ADAMTSL3: variants seen among roughly 807,000 people sequenced by gnomAD.
ADAMTSL3 encodes ADAMTS-like protein 3.
A neutral mutation model predicts 201.7 loss-of-function variants in ADAMTSL3; 128 were observed. The observed-to-expected ratio is 0.63, with a 90% CI of 0.55 to 0.73. The LOEUF (loss-of-function observed/expected upper bound fraction) is 0.73, where lower values mean the gene tolerates loss of function less well. Among genes scored for constraint, ADAMTSL3 ranks in the 30% least tolerant of loss-of-function variants. The probability of loss-of-function intolerance (pLI) is 0.00; values close to 1 mark genes in which losing one functional copy is unlikely to be tolerated. For missense variants in ADAMTSL3, 1,990 were observed against 2,119.6 expected, an observed-to-expected ratio of 0.94 and a Z score of 1.20; for synonymous variants, 738 against 748.4, an observed-to-expected ratio of 0.99 and a Z score of 0.23.
intron 3 of ADAMTSL3, among the ~76,000 whole-genome samples, chr15:83,772,525 T>G (rs1442675928): frequency 6.6e-6 from 1 of 152,180 alleles, no homozygotes; most frequent in Non-Finnish European, 1.5e-5. Flanking sequence ...CATAATTGAC[T>G]CTTCCCTATT....
intron 3 of ADAMTSL3, among the ~76,000 whole-genome samples, chr15:83,733,964 C>T (rs1156752673): frequency 2.0e-5 from 3 of 152,092 alleles, no homozygotes; most frequent in Non-Finnish European, 4.4e-5. Context: ...AAGGAATAGA[C>T]AATGCAGGCG....
At chr15:83,935,360 C>T (rs1030590030) in intron 17 of ADAMTSL3, among the ~76,000 whole-genome samples, 3 of 152,002 alleles carry the variant, frequency 2.0e-5, no homozygotes, top group African/African-American at 7.2e-5. Flanking sequence ...CTTGTGATTC[C>T]TTTGCCTTTA....
chr15:83,888,179 A>T (rs2141879076), intron 10 of ADAMTSL3, among the ~76,000 whole-genome samples: 1 of 152,328 alleles, frequency 6.6e-6, no homozygotes, highest in Non-Finnish European at 1.5e-5. Flanking sequence ...AACAGAAGGG[A>T]GATTTTAGGC....
intron 5 of ADAMTSL3, among the ~76,000 whole-genome samples, chr15:83,807,662 C>G (rs528434435): frequency 6.6e-6 from 1 of 152,206 alleles, no homozygotes; most frequent in East Asian, 1.9e-4. Context: ...ACTCTGAACA[C>G]CCAAAGCAAT....
Position 83,982,956 on chromosome 15 carries a change from G to A in ADAMTSL3, c.3328G>A (p.Gly1110Arg), listed in dbSNP as rs146998252. The change falls in exon 21 of 30, where the codon GGA becomes AGA. Residue 1110 changes from glycine to arginine, a missense_variant. Transcript: ENST00000286744. ...AAACATGAGTCAGCTCATGGAAACCGGAGAGGTCAGCGATGATCTTGCGTC... is the reference window on the plus strand; with the variant it reads ...AAACATGAGTCAGCTCATGGAAACCAGAGAGGTCAGCGATGATCTTGCGTC... ...IRNMSQLMET[G>R]EVSDDLASQL... is the part of the protein sequence containing the mutation. 1.8e-5 allele frequency: 29 copies of A among 1,614,122 alleles called. No individual in the cohort carries two copies. The East Asian group carries it at 3.6e-4, about 20-fold the overall frequency.
At chr15:83,684,038 A>G (rs2061508309) in intron 2 of ADAMTSL3, among the ~76,000 whole-genome samples, 1 of 152,194 alleles carries the variant, frequency 6.6e-6, no homozygotes, top group Admixed American at 6.5e-5. Context: ...TGGTATTCCA[A>G]CCTTAGAGCT....
Position 84,012,467 on chromosome 15 carries a change from G to A in ADAMTSL3, c.3974-2075G>A, listed in dbSNP as rs117336342. 1.1e-3 allele frequency among the ~76,000 whole-genome samples: 171 copies of A among 152,218 alleles called. 3 individuals are homozygous for A. The South Asian group carries it at 0.016, about 14-fold the overall frequency. Reference sequence around the variant, plus strand: ...CCCTTTTATCTTTAAAACTAGCAATGGTGGGTTAGGTTGCTCTGACACTTT... The same window carrying A: ...CCCTTTTATCTTTAAAACTAGCAATAGTGGGTTAGGTTGCTCTGACACTTT... On this transcript the variant is annotated intron_variant, in intron 23 of 29. Coordinates refer to ENST00000286744, the MANE Select transcript of ADAMTSL3 (RefSeq NM_207517.3).
At chr15:83,792,902 T>C (rs1444242348) in intron 4 of ADAMTSL3, among the ~76,000 whole-genome samples, 1 of 152,162 alleles carries the variant, frequency 6.6e-6, no homozygotes, top group Non-Finnish European at 1.5e-5. Flanking sequence ...TTTGTTGCAG[T>C]GTTTTCAAAA....
intron 4 of ADAMTSL3, among the ~76,000 whole-genome samples, chr15:83,782,660 G>A (rs969277156): frequency 4.6e-5 from 7 of 152,072 alleles, no homozygotes; most frequent in African/African-American, 1.4e-4. Flanking sequence ...CTTAAAAGTG[G>A]AAGCTAAACT....
At chr15:83,907,666 A>T (rs2065865666) in intron 15 of ADAMTSL3, among the ~76,000 whole-genome samples, 1 of 152,218 alleles carries the variant, frequency 6.6e-6, no homozygotes, top group Non-Finnish European at 1.5e-5. Context: ...GGCCTCCCAA[A>T]GTGCTGGGAT....
intron 13 of ADAMTSL3, 66 bp downstream of exon 13, chr15:83,892,954 C>T (rs2065540420): frequency 6.8e-7 from 1 of 1,462,192 alleles, no homozygotes; most frequent in South Asian, 1.2e-5. Flanking sequence ...TCTATATGCC[C>T]ACCATGGTGC....
chr15:83,772,902 G>T (rs976409028), intron 3 of ADAMTSL3, among the ~76,000 whole-genome samples: 1 of 151,926 alleles, frequency 6.6e-6, no homozygotes, highest in Non-Finnish European at 1.5e-5. Context: ...CGTGGTTTAG[G>T]CTCAAGCAGG....
rs1305026027 is a variant in ADAMTSL3 at position 83,884,338 on chromosome 15, C to CCTTTTTT, written c.961-763_961-762insCTTTTTT. On this transcript the variant is annotated intron_variant, in intron 9 of 29. Transcript: ENST00000286744. Reference sequence around the variant, plus strand: ...TGTTACCTCATTGGTGCCCTATTTCCTTTTTTTTTTTTTTTTTTTTTTGAG... The same window carrying CCTTTTTT: ...TGTTACCTCATTGGTGCCCTATTTCCCTTTTTTTTTTTTTTTTTTTTTTTTTTTTGAG... Among the ~76,000 whole-genome samples the CCTTTTTT allele has an allele frequency of 3.5e-5, 4 of 114,486 alleles. 1 individual carries two copies. The allele number at this position is 114,486 out of a possible 152,430, so 75.1% of individuals were successfully genotyped here.
chr15:83,787,391 A>G (rs141738570), intron 4 of ADAMTSL3, among the ~76,000 whole-genome samples: 1 of 152,256 alleles, frequency 6.6e-6, no homozygotes, highest in East Asian at 1.9e-4. Flanking sequence ...GAAGTAATGT[A>G]TTTCTGGGTT....
At chr15:83,797,842 C>T (rs574473114) in intron 4 of ADAMTSL3, among the ~76,000 whole-genome samples, 5 of 152,078 alleles carry the variant, frequency 3.3e-5, no homozygotes, top group South Asian at 2.1e-4. Context: ...CAGAGAAATG[C>T]GTAAATATGC....
At position 83,841,873 on chromosome 15, in the gene ADAMTSL3, G is replaced by A. The variant is rs72746970; in HGVS notation, c.727+3658G>A. On this transcript the variant is annotated intron_variant, in intron 7 of 29. Transcript: ENST00000286744. ...CTAGCAGTCACACACACAAGTGACT[G>A]GATGTTGAGAGGAACACACTGGCAG... Among the ~76,000 whole-genome samples the A allele has an allele frequency of 4.9e-3, 740 of 151,984 alleles. 4 individuals are homozygous for A. Among genetic ancestry groups the A allele is most frequent in the Non-Finnish European group, 7.2e-3 (488 of 67,978 alleles).
rs777201952 is a variant in ADAMTSL3, at chr15:83,982,347, C to G, written c.2719C>G (p.Gln907Glu). 8.7e-6 allele frequency: 14 copies of G among 1,613,794 alleles called. No individual in the cohort carries two copies. The South Asian group carries it at 1.5e-4, about 18-fold the overall frequency. Residue 907 changes from glutamine to glutamate, a missense_variant, in exon 21 of 30, where the codon CAG (glutamine) becomes GAG (glutamate). Transcript: ENST00000286744. The stretch of plus-strand genomic sequence containing the variant: ...CCTCAGTGTCCAGAGAGTCTACATT[C>G]AGACAAGGGAAGAGAAGCGTATTAA... ...QILSVQRVYI[Q>E]TREEKRINLT... is the part of the protein sequence containing the mutation.
chr15:83,889,198 A>C (rs1935792875), intron 10 of ADAMTSL3, among the ~76,000 whole-genome samples: 1 of 152,214 alleles, frequency 6.6e-6, no homozygotes. Context: ...ATAAGTCTTC[A>C]TTCCTTCCGT....
intron 6 of ADAMTSL3, among the ~76,000 whole-genome samples, chr15:83,823,966 T>TCCTC (rs1567169980): frequency 6.2e-5 from 4 of 64,768 alleles, no homozygotes; most frequent in South Asian, 4.7e-4. Flanking sequence ...TTCTTCTTCT[T>TCCTC]CTTCTTCTCC....
Sources: gnomAD v4.1 joint callset for allele counts (sites outside exome capture counted in the v4.1 genomes callset) on GRCh38, gnomAD v4.1.1 for gene constraint, MANE v1.5 for transcripts, NCBI Gene and HGNC (gene_info 2026-07-23, HGNC 2026-07-21) for gene names.